The following CSMD1 variants were observed in gnomAD, a reference collection of about 807,000 sequenced individuals.
CSMD1 encodes the protein CUB and Sushi multiple domains 1, also known as CUB and sushi domain-containing protein 1.
A neutral mutation model predicts 417.5 loss-of-function variants in CSMD1; 213 were observed. The observed-to-expected ratio is 0.51, with a 90% CI of 0.46 to 0.57. The LOEUF is 0.57. Among genes scored for constraint, CSMD1 ranks in the 20% least tolerant of loss-of-function variants. The pLI, the probability that CSMD1 is intolerant of heterozygous loss-of-function variation, is 0.00. For synonymous variants in CSMD1, 2,862 were observed against 1,736.8 expected, an observed-to-expected ratio of 1.65 and a Z score of -16.11; for missense variants, 6,923 against 4,529.7, an observed-to-expected ratio of 1.53 and a Z score of -15.17.
intron 3 of CSMD1, among the ~76,000 whole-genome samples, chr8:4,213,283 A>G (rs781040432): frequency 5.3e-4 from 81 of 152,250 alleles, no homozygotes; most frequent in Middle Eastern, 3.4e-3. Flanking sequence ...TGTCAGGTCT[A>G]ATGAGCAGCT....
intron 1 of CSMD1, among the ~76,000 whole-genome samples, chr8:4,667,517 A>AG (rs1468753447): frequency 6.6e-6 from 1 of 151,812 alleles, no homozygotes; most frequent in Non-Finnish European, 1.5e-5. Context: ...CCTTTTATGT[A>AG]GGTCTTTTTA....
Position 3,575,039 on chromosome 8 carries a change from C to T in CSMD1, c.1250G>A (p.Gly417Glu). ...RARTCGSNLR[G>E]PSGVITSPNY... ...AGGGGAGGTAATGACGCCGCTGGGC[C>T]CACGCAGATTGGATCCACATGTTCT... Residue 417 changes from glycine to glutamate, a missense_variant, in exon 10 of 70, where the codon GGG (glycine) becomes GAG (glutamate). Transcript: ENST00000635120. 1.2e-6 allele frequency: 2 copies of T among 1,613,384 alleles called. No homozygotes were observed. The highest frequency in any genetic ancestry group is 1.3e-5 in the African/African-American group (1 of 74,976).
At chr8:3,879,916 T>C (rs1806098925) in intron 5 of CSMD1, among the ~76,000 whole-genome samples, 2 of 152,116 alleles carry the variant, frequency 1.3e-5, no homozygotes, top group African/African-American at 2.4e-5. Flanking sequence ...TATAACGAAA[T>C]AGTGCTTGGT....
intron 5 of CSMD1, among the ~76,000 whole-genome samples, chr8:3,802,479 T>G (rs940617549): frequency 6.6e-6 from 1 of 152,198 alleles, no homozygotes; most frequent in Non-Finnish European, 1.5e-5. Flanking sequence ...AGTATCAACT[T>G]CATTCATGTG....
chr8:3,923,389 A>G (rs766383636), intron 5 of CSMD1, among the ~76,000 whole-genome samples: 4 of 152,238 alleles, frequency 2.6e-5, no homozygotes, highest in East Asian at 1.9e-4. Context: ...TTTCCTTATT[A>G]TATCATTTGC....
intron 3 of CSMD1, among the ~76,000 whole-genome samples, chr8:4,293,681 T>C (rs1797504414): frequency 6.6e-6 from 1 of 152,164 alleles, no homozygotes; most frequent in South Asian, 2.1e-4. Context: ...ATAACAATCA[T>C]ATCTCATTAC....
Position 4,709,410 on chromosome 8 carries a change from C to G in CSMD1, c.86-71852G>C, listed in dbSNP as rs889826953. ...GAGCCAAGGGACGAACATAAAGACT[C>G]TTTTTACTTGGGGCTGCCCTGGCCT... On this transcript the variant is annotated intron_variant, in intron 1 of 69. Coordinates refer to ENST00000635120, the MANE Select transcript of CSMD1 (RefSeq NM_033225.6). Among the ~76,000 whole-genome samples the G allele has an allele frequency of 7.9e-5, 12 of 152,200 alleles. 1 individual carries two copies. The South Asian group carries it at 2.1e-3, about 26-fold the overall frequency.
intron 12 of CSMD1, among the ~76,000 whole-genome samples, chr8:3,411,166 C>G (rs1401138418): frequency 6.6e-6 from 1 of 152,146 alleles, no homozygotes; most frequent in East Asian, 1.9e-4. Context: ...TAAAAGATCT[C>G]TCTGCAACTT....
At chr8:4,405,756 G>A (rs73177368) in intron 3 of CSMD1, among the ~76,000 whole-genome samples, 2 of 152,150 alleles carry the variant, frequency 1.3e-5, no homozygotes, top group South Asian at 2.1e-4. Context: ...AGACACCCCA[G>A]AAACAGTTTA....
intron 3 of CSMD1, among the ~76,000 whole-genome samples, chr8:4,247,613 G>C (rs1261405031): frequency 1.3e-5 from 2 of 152,094 alleles, no homozygotes; most frequent in African/African-American, 2.4e-5. Context: ...TAATTACAAG[G>C]AGAAGAGCAG....
Position 4,047,430 on chromosome 8 carries a change from G to A in CSMD1, c.416-15331C>T, listed in dbSNP as rs544306567. ...GGAAAAAATAAATTGAAATTAAAAT[G>A]GCATTTTTCCCAGGGAATTCTTAAG... On this transcript the variant is annotated intron_variant, in intron 3 of 69. Coordinates refer to ENST00000635120, the MANE Select transcript of CSMD1 (RefSeq NM_033225.6). Among the ~76,000 whole-genome samples, 10 of 152,256 alleles carry A rather than the reference G, an allele frequency of 6.6e-5. No individual in the cohort carries two copies. In the South Asian group the frequency reaches 1.9e-3, roughly 28 times the overall value.
intron 4 of CSMD1, among the ~76,000 whole-genome samples, chr8:4,001,304 G>A (rs753018574): frequency 1.0e-3 from 152 of 152,242 alleles, no homozygotes; most frequent in African/African-American, 2.7e-3. Context: ...CAACATAACA[G>A]GGACACCAGC....
Position 3,672,623 on chromosome 8 carries a change from T to C in CSMD1, c.1009+35791A>G, listed in dbSNP as rs138221511. Among the ~76,000 whole-genome samples, 336 of 152,334 alleles carry C rather than the reference T, an allele frequency of 2.2e-3. 1 individual carries two copies. Among genetic ancestry groups the C allele is most frequent in the Middle Eastern group, 0.01 (3 of 294 alleles). On this transcript the variant is annotated intron_variant, in intron 7 of 69. Transcript: ENST00000635120. The stretch of plus-strand genomic sequence containing the variant: ...GGCCATTGTCTACTCTTGAAGGTAT[T>C]TACTTTTTCATCCGGTCAGAGTATG...
intron 1 of CSMD1, among the ~76,000 whole-genome samples, chr8:4,858,086 C>G: frequency 6.6e-6 from 1 of 151,906 alleles, no homozygotes. Context: ...GGGCTGCATC[C>G]CTGGGATGCA....
chr8:3,965,884 T>C lies in CSMD1; in HGVS notation c.818+32019A>G, dbSNP rs1020987815. Reference sequence around the variant, plus strand: ...TGCCAGCCTTGGCCTTTTGAAGTGCTAGGACTACAGGTATGAGCCACCATG... The same window carrying C: ...TGCCAGCCTTGGCCTTTTGAAGTGCCAGGACTACAGGTATGAGCCACCATG... On this transcript the variant is annotated intron_variant, in intron 5 of 69. Coordinates refer to ENST00000635120, the MANE Select transcript of CSMD1 (RefSeq NM_033225.6). Among the ~76,000 whole-genome samples, 12 of 152,190 alleles carry C rather than the reference T, an allele frequency of 7.9e-5. 1 individual carries two copies. Among genetic ancestry groups the C allele is most frequent in the Non-Finnish European group, 1.8e-4 (12 of 68,038 alleles).
intron 1 of CSMD1, among the ~76,000 whole-genome samples, chr8:4,994,118 G>A (rs1811626857): frequency 6.7e-6 from 1 of 148,466 alleles, no homozygotes; most frequent in Non-Finnish European, 1.5e-5. Context: ...GAGGGGGAAG[G>A]AATGGCGGGG....
chr8:3,087,052 G>A, intron 49 of CSMD1, 45 bp downstream of exon 49: 1 of 1,492,224 alleles, frequency 6.7e-7, no homozygotes, highest in South Asian at 1.1e-5. Flanking sequence ...TAAAATGAGA[G>A]CAATACACAG....
At chr8:4,759,804 G>A (rs904336312) in intron 1 of CSMD1, among the ~76,000 whole-genome samples, 5 of 152,148 alleles carry the variant, frequency 3.3e-5, no homozygotes, top group African/African-American at 7.2e-5. Context: ...TCTTTATCCA[G>A]TGTGTCACTG....
chr8:3,350,767 C>A (rs1243505611), intron 21 of CSMD1, among the ~76,000 whole-genome samples: 1 of 151,956 alleles, frequency 6.6e-6, no homozygotes, highest in African/African-American at 2.4e-5. Flanking sequence ...AATAATTGAG[C>A]ATTTGTATCC....
Sources: allele counts gnomAD v4.1 joint callset (sites outside exome capture counted in the v4.1 genomes callset), GRCh38; gene constraint gnomAD v4.1.1; transcripts MANE v1.5; gene names NCBI Gene and HGNC (gene_info 2026-07-23, HGNC 2026-07-21).